Variants in P2RY14 observed in about 807,000 individuals in gnomAD.
P2RY14 encodes purinergic receptor P2Y14.
A neutral mutation model predicts 0.9 loss-of-function variants in P2RY14; 2 were observed. The observed-to-expected ratio is 2.16, with a 90% CI of 0.88 to 6.79. The LOEUF is 6.79. Among genes scored for constraint, P2RY14 ranks in the 30% most tolerant of loss-of-function variants. P2RY14 has a pLI of 0.05. For synonymous variants in P2RY14, 158 were observed against 147.2 expected, an observed-to-expected ratio of 1.07 and a Z score of -0.53; for missense variants, 378 against 400.1, an observed-to-expected ratio of 0.94 and a Z score of 0.47.
At chr3:151,242,373 T>C (rs1453229901) in intron 1 of P2RY14, among the ~76,000 whole-genome samples, 1 of 152,252 alleles carries the variant, frequency 6.6e-6, no homozygotes, top group African/African-American at 2.4e-5. Flanking sequence ...TAAATGTCCC[T>C]GTCTGACAGC....
chr3:151,240,549 A>G (rs1395437643), intron 1 of P2RY14, among the ~76,000 whole-genome samples: 2 of 152,244 alleles, frequency 1.3e-5, no homozygotes, highest in African/African-American at 4.8e-5. Context: ...GAGGTGAAAG[A>G]GCTAAAAAAC....
chr3:151,244,584 A>C (rs1475919135), intron 1 of P2RY14, among the ~76,000 whole-genome samples: 50 of 151,486 alleles, frequency 3.3e-4, no homozygotes, highest in Non-Finnish European at 6.6e-4. Context: ...ACAAAGACAC[A>C]ACATACCAGA....
Position 151,243,284 on chromosome 3 carries a change from C to T in P2RY14, c.-132-23642G>A, listed in dbSNP as rs377679662. 3.6e-4 allele frequency among the ~76,000 whole-genome samples: 54 copies of T among 151,150 alleles called. No homozygotes were observed. The Middle Eastern group carries it at 0.017, about 48-fold the overall frequency. ...CAGAGAACGCCACAAAGATACTCCTCGAGAAGAGCAACTCCAAGACACATA... is the reference window on the plus strand; with the variant it reads ...CAGAGAACGCCACAAAGATACTCCTTGAGAAGAGCAACTCCAAGACACATA... On this transcript the variant is annotated intron_variant, in intron 1 of 2. Transcript: ENST00000309170.
chr3:151,253,862 T>G (rs1737297743), intron 1 of P2RY14, among the ~76,000 whole-genome samples: 1 of 152,068 alleles, frequency 6.6e-6, no homozygotes. Context: ...AAGACTTAGC[T>G]CCACTGAAAA....
At chr3:151,235,780 A>C (rs1001121657) in intron 1 of P2RY14, among the ~76,000 whole-genome samples, 2 of 152,062 alleles carry the variant, frequency 1.3e-5, no homozygotes, top group South Asian at 2.1e-4. Context: ...TGTGATTGTC[A>C]GTCTCTGGTA....
At chr3:151,245,613 T>C (rs1472478582) in intron 1 of P2RY14, among the ~76,000 whole-genome samples, 1 of 150,254 alleles carries the variant, frequency 6.7e-6, no homozygotes, top group Admixed American at 6.7e-5. Context: ...ATTGATGGGA[T>C]GTATTTCAAA....
intron 1 of P2RY14, among the ~76,000 whole-genome samples, chr3:151,273,172 T>C (rs1175041850): frequency 1.3e-5 from 2 of 151,856 alleles, no homozygotes; most frequent in African/African-American, 4.8e-5. Flanking sequence ...CACCACACTA[T>C]GTTATTGGGA....
At chr3:151,248,565 A>C (rs991383616) in intron 1 of P2RY14, among the ~76,000 whole-genome samples, 3 of 152,260 alleles carry the variant, frequency 2.0e-5, no homozygotes, top group Non-Finnish European at 2.9e-5. Context: ...CACTACCCAC[A>C]TACCCATCCG....
chr3:151,254,224 C>T (rs1361749870), intron 1 of P2RY14, among the ~76,000 whole-genome samples: 2 of 152,106 alleles, frequency 1.3e-5, no homozygotes, highest in African/African-American at 2.4e-5. Flanking sequence ...CTGTTGACTT[C>T]CTTGTGTGGA....
At chr3:151,214,583 C>T (rs1312332396) in intron 2 of P2RY14, among the ~76,000 whole-genome samples, 11 of 140,708 alleles carry the variant, frequency 7.8e-5, no homozygotes, top group Admixed American at 7.4e-4. Flanking sequence ...CCACTCCTTT[C>T]TTCCTTCTCC....
intron 1 of P2RY14, among the ~76,000 whole-genome samples, chr3:151,257,750 G>A (rs975676466): frequency 6.6e-6 from 1 of 152,128 alleles, no homozygotes; most frequent in African/African-American, 2.4e-5. Flanking sequence ...TGGTATTTAT[G>A]GAGCTATATC....
chr3:151,232,170 C>G (rs1332695882), intron 1 of P2RY14, among the ~76,000 whole-genome samples: 1 of 152,056 alleles, frequency 6.6e-6, no homozygotes, highest in Non-Finnish European at 1.5e-5. Flanking sequence ...GTTTCTTGTT[C>G]TATTCTTGGC....
At chr3:151,236,042 T>TA (rs1424436084) in intron 1 of P2RY14, among the ~76,000 whole-genome samples, 1 of 152,184 alleles carries the variant, frequency 6.6e-6, no homozygotes, top group Non-Finnish European at 1.5e-5. Flanking sequence ...TTTTTTAACT[T>TA]ATTCTCCTCT....
intron 1 of P2RY14, among the ~76,000 whole-genome samples, chr3:151,239,315 A>G (rs928727926): frequency 6.6e-6 from 1 of 152,238 alleles, no homozygotes; most frequent in African/African-American, 2.4e-5. Context: ...TATTGCAATC[A>G]TGCTTTAAAA....
At chr3:151,215,063 G>A (rs1317305389) in intron 2 of P2RY14, among the ~76,000 whole-genome samples, 1 of 151,232 alleles carries the variant, frequency 6.6e-6, no homozygotes, top group Non-Finnish European at 1.5e-5. Flanking sequence ...ACATTCAAAT[G>A]TTAACCGGTA....
chr3:151,243,241 G>A (rs1293306343), intron 1 of P2RY14, among the ~76,000 whole-genome samples: 8 of 151,926 alleles, frequency 5.3e-5, no homozygotes, highest in East Asian at 3.9e-4. Context: ...GCAGGCCAAC[G>A]TTCAGATTCA....
chr3:151,256,813 CTGTT>C (rs1435425244), intron 1 of P2RY14, among the ~76,000 whole-genome samples: 8 of 93,030 alleles, frequency 8.6e-5, no homozygotes, highest in African/African-American at 2.4e-4. Context: ...TTAATCCAGT[CTGTT>C]TTTTTTTTTT....
At chr3:151,237,484 G>T (rs535477255) in intron 1 of P2RY14, among the ~76,000 whole-genome samples, 9 of 151,044 alleles carry the variant, frequency 6.0e-5, no homozygotes, top group African/African-American at 2.2e-4. Context: ...CAAGTAGCTG[G>T]GACTACAGGT....
chr3:151,249,676 G>T (rs965450982), intron 1 of P2RY14, among the ~76,000 whole-genome samples: 1 of 151,992 alleles, frequency 6.6e-6, no homozygotes, highest in Non-Finnish European at 1.5e-5. Context: ...GGGGCTTTTG[G>T]GTCTCCAATC....
Sources: gnomAD v4.1 joint callset for allele counts (sites outside exome capture counted in the v4.1 genomes callset) on GRCh38, gnomAD v4.1.1 for gene constraint, MANE v1.5 for transcripts, NCBI Gene and HGNC (gene_info 2026-07-23, HGNC 2026-07-21) for gene names.